Variants in SS18 observed in about 807,000 individuals in gnomAD.
SS18 encodes SS18 subunit of BAF chromatin remodeling complex.
In SS18, 28 loss-of-function variants were observed where a neutral mutation model predicts 72.5. The observed-to-expected ratio is 0.39, with a 90% CI of 0.29 to 0.53. The LOEUF (loss-of-function observed/expected upper bound fraction) is 0.53, where lower values mean the gene tolerates loss of function less well. Ranked by LOEUF, SS18 falls within the 20% of genes least tolerant of loss-of-function variation. SS18 has a pLI of 0.76. For synonymous variants in SS18, 172 were observed against 164.2 expected (o/e 1.05, Z -0.37); for missense variants, 518 against 535.3 (o/e 0.97, Z 0.32).
At chr18:26,084,235 A>C (rs2054578654) in intron 2 of SS18, 1 of 152,212 alleles carries the variant, frequency 6.6e-6, no homozygotes, top group South Asian at 2.1e-4. Context: ...AGAATACAGT[A>C]ATAATGTTTA....
intron 2 of SS18, among the ~76,000 whole-genome samples, chr18:26,078,764 G>A (rs1221527224): frequency 6.6e-6 from 1 of 152,174 alleles, no homozygotes; most frequent in Non-Finnish European, 1.5e-5. Flanking sequence ...GCACACGCCT[G>A]TAATTCCAGC....
chr18:26,022,941 AG>A (rs2053378587), intron 10 of SS18, among the ~76,000 whole-genome samples: 1 of 152,246 alleles, frequency 6.6e-6, no homozygotes, highest in Admixed American at 6.5e-5. Flanking sequence ...AACACCCAAA[AG>A]GCTCTTACCT....
intron 10 of SS18, among the ~76,000 whole-genome samples, chr18:26,027,108 G>A (rs2053458926): frequency 6.6e-6 from 1 of 152,094 alleles, no homozygotes; most frequent in Admixed American, 6.6e-5. Flanking sequence ...AAATTTATAT[G>A]GAATCCAAAG....
intron 9 of SS18, among the ~76,000 whole-genome samples, chr18:26,034,268 A>G (rs2053591389): frequency 1.3e-5 from 2 of 152,136 alleles, no homozygotes; most frequent in South Asian, 4.1e-4. Context: ...AGACCCTGTT[A>G]GGAAGAGAAG....
At chr18:26,049,514 T>C (rs561611546) in intron 5 of SS18, among the ~76,000 whole-genome samples, 2 of 152,266 alleles carry the variant, frequency 1.3e-5, no homozygotes, top group South Asian at 4.1e-4. Context: ...AAACTGGAGT[T>C]ACTCTTTTTG....
At chr18:26,068,408 T>C (rs1365212556) in intron 3 of SS18, 3 of 152,200 alleles carry the variant, frequency 2.0e-5, no homozygotes, top group Admixed American at 1.3e-4. Context: ...TAGGTTTTTG[T>C]ATGGCTTTTT....
chr18:26,021,842 T>C (rs2053356440), intron 10 of SS18, among the ~76,000 whole-genome samples: 1 of 152,108 alleles, frequency 6.6e-6, no homozygotes, highest in African/African-American at 2.4e-5. Flanking sequence ...AATTATAAAT[T>C]TATTTTGTTT....
At chr18:26,050,615 T>C (rs571057326) in intron 5 of SS18, among the ~76,000 whole-genome samples, 2 of 152,282 alleles carry the variant, frequency 1.3e-5, no homozygotes, top group Non-Finnish European at 2.9e-5. Context: ...TGTATAACTT[T>C]CTTTTTTGGT....
At chr18:26,068,469 G>A (rs959984426) in intron 3 of SS18, 2 of 152,134 alleles carry the variant, frequency 1.3e-5, no homozygotes, top group South Asian at 4.1e-4. Flanking sequence ...TAAAAATTTA[G>A]TAAATGTTAC....
chr18:26,077,736 G>A (rs1219437231), intron 3 of SS18, among the ~76,000 whole-genome samples: 1 of 152,118 alleles, frequency 6.6e-6, no homozygotes, highest in Non-Finnish European at 1.5e-5. Flanking sequence ...TGACAGAGAT[G>A]CATATGGAAA....
intron 5 of SS18, among the ~76,000 whole-genome samples, chr18:26,049,922 A>G (rs2053891618): frequency 6.6e-6 from 1 of 152,210 alleles, no homozygotes; most frequent in South Asian, 2.1e-4. Context: ...TACTTAAGCA[A>G]CATTTTGCCA....
intron 9 of SS18, among the ~76,000 whole-genome samples, chr18:26,033,207 T>C (rs905405000): frequency 4.6e-5 from 7 of 152,168 alleles, no homozygotes; most frequent in Non-Finnish European, 7.4e-5. Flanking sequence ...AAACAATATG[T>C]CTGTTTTATA....
rs1259034337 is a variant in SS18 at position 26,052,675 on chromosome 18, G to C, written c.556C>G (p.Pro186Ala). Reference sequence around the variant, plus strand: ...GGTCTGGGACCATAGTTTCCCATTGGTTGTCCCTGACTCATTGTCATCTGA... The same window carrying C: ...GGTCTGGGACCATAGTTTCCCATTGCTTGTCCCTGACTCATTGTCATCTGA... ...QNQMTMSQGQ[P>A]MGNYGPRPNM... Residue 186 changes from proline (P) to alanine (A), a missense_variant, in exon 5 of 11, where the codon CCA becomes GCA. Physicochemically the swap from Pro to Ala is conservative, Grantham distance 27. Transcript: ENST00000415083. 6.2e-7 allele frequency: 1 copy of C among 1,613,994 alleles called. No individual in the cohort carries two copies.
rs141009538 is a variant in SS18 at position 26,073,490 on chromosome 18, A to T, written c.231+4586T>A. ...CATACATGAGGTGCCCAAGGGCAAA[A>T]CTATTTCCATAAGATGATGTTTGCC... On this transcript the variant is annotated intron_variant, in intron 3 of 10. Coordinates refer to ENST00000415083, the MANE Select transcript of SS18 (RefSeq NM_001007559.3). 1.9e-3 allele frequency among the ~76,000 whole-genome samples: 295 copies of T among 152,330 alleles called. 1 individual carries two copies. Among genetic ancestry groups the T allele is most frequent in the African/African-American group, 6.8e-3 (283 of 41,590 alleles).
At chr18:26,075,483 A>G (rs1014093902) in intron 3 of SS18, among the ~76,000 whole-genome samples, 1 of 151,954 alleles carries the variant, frequency 6.6e-6, no homozygotes, top group South Asian at 2.1e-4. Context: ...AAAAAGTCTT[A>G]TAATCATCTC....
chr18:26,086,457 T>C (rs866173202), intron 2 of SS18, among the ~76,000 whole-genome samples: 1 of 152,246 alleles, frequency 6.6e-6, no homozygotes, highest in Non-Finnish European at 1.5e-5. Flanking sequence ...TTTATGCTAA[T>C]TGTATATTGA....
At chr18:26,090,982 C>G (rs926113687), upstream of SS18, 3 of 233,260 alleles carry the variant, frequency 1.3e-5, no homozygotes, top group East Asian at 3.4e-4. Context: ...CGGCCCGCCC[C>G]CTTCGCGCCG....
At chr18:26,057,872 A>G (rs1420112039) in intron 3 of SS18, 130 bp from the exon 4 acceptor site, 1 of 824,618 alleles carries the variant, frequency 1.2e-6, no homozygotes, top group Admixed American at 3.3e-5. Flanking sequence ...AATTCTTCTA[A>G]TGCATTTTCA....
intron 5 of SS18, among the ~76,000 whole-genome samples, chr18:26,051,338 A>T (rs1326693455): frequency 6.6e-6 from 1 of 152,242 alleles, no homozygotes; most frequent in Non-Finnish European, 1.5e-5. Context: ...AGAACAAAAA[A>T]TTTCTAAAAA....
Sources: allele counts gnomAD v4.1 joint callset (sites outside exome capture counted in the v4.1 genomes callset), GRCh38; gene constraint gnomAD v4.1.1; transcripts MANE v1.5; gene names NCBI Gene and HGNC (gene_info 2026-07-23, HGNC 2026-07-21).